DNAH9: variants seen among roughly 807,000 people sequenced by gnomAD.
The protein encoded by DNAH9 is dynein axonemal heavy chain 9.
Under a neutral mutation model 471.6 loss-of-function variants are expected in DNAH9, and 345 were observed. That is an observed-to-expected ratio of 0.73 (90% CI 0.67 to 0.80). The LOEUF (loss-of-function observed/expected upper bound fraction) is 0.80. Ranked by LOEUF, DNAH9 falls within the 30% of genes least tolerant of loss-of-function variation. DNAH9 has a pLI of 0.00. For missense variants in DNAH9, 5,407 were observed against 5,609.2 expected (o/e 0.96, Z 1.15); for synonymous variants, 2,093 against 2,123.6 (o/e 0.99, Z 0.40).
intron 67 of DNAH9, among the ~76,000 whole-genome samples, chr17:11,942,954 G>A (rs1974984737): frequency 6.8e-6 from 1 of 147,180 alleles, no homozygotes; most frequent in Non-Finnish European, 1.5e-5. Flanking sequence ...GGAGTGCAGT[G>A]GTGTGATCTC....
chr17:11,740,767 T>G (rs2075420963), intron 29 of DNAH9, among the ~76,000 whole-genome samples: 1 of 152,190 alleles, frequency 6.6e-6, no homozygotes, highest in African/African-American at 2.4e-5. Context: ...CCCTAGTTAC[T>G]AGGGTTAGCT....
intron 14 of DNAH9, among the ~76,000 whole-genome samples, chr17:11,658,263 A>G (rs2073691056): frequency 6.6e-6 from 1 of 152,090 alleles, no homozygotes; most frequent in South Asian, 2.1e-4. Context: ...CAAGTTTTTT[A>G]TGTTTGCAGT....
At chr17:11,640,536 C>G in intron 10 of DNAH9, 152 bp downstream of exon 10, 1 of 692,888 alleles carries the variant, frequency 1.4e-6, no homozygotes, top group Non-Finnish European at 2.6e-6. Flanking sequence ...CACCTATTGG[C>G]AAAACAGTCA....
intron 62 of DNAH9, among the ~76,000 whole-genome samples, chr17:11,927,955 A>C (rs1189424199): frequency 6.6e-6 from 1 of 152,182 alleles, no homozygotes; most frequent in Non-Finnish European, 1.5e-5. Context: ...TGGCTAAAAG[A>C]AACCCTGGCT....
intron 26 of DNAH9, among the ~76,000 whole-genome samples, chr17:11,713,854 C>G (rs2150792982): frequency 6.6e-6 from 1 of 152,216 alleles, no homozygotes; most frequent in South Asian, 2.1e-4. Flanking sequence ...TTGAGACAGA[C>G]AAATAATGAG....
At chr17:11,963,113 C>G (rs944794502) in intron 68 of DNAH9, among the ~76,000 whole-genome samples, 5 of 148,248 alleles carry the variant, frequency 3.4e-5, no homozygotes, top group African/African-American at 1.2e-4. Flanking sequence ...TATCATGAAC[C>G]CTAAATCCAA....
Position 11,599,957 on chromosome 17 carries a change from A to G in DNAH9, c.417+1042A>G, listed in dbSNP as rs564919907. On this transcript the variant is annotated intron_variant, in intron 1 of 68. Transcript: ENST00000262442. ...ACTGGGGTGAGGGTAAAGCTTACCTAAAAGTTGGCCCCACTGCTGGATGCA... is the reference window on the plus strand; with the variant it reads ...ACTGGGGTGAGGGTAAAGCTTACCTGAAAGTTGGCCCCACTGCTGGATGCA... Among the ~76,000 whole-genome samples the G allele has an allele frequency of 4.6e-5, 7 of 152,304 alleles. 1 individual carries two copies. In the South Asian group the frequency reaches 1.4e-3, roughly 32 times the overall value.
intron 61 of DNAH9, among the ~76,000 whole-genome samples, chr17:11,914,812 G>A (rs1328082485): frequency 6.6e-6 from 1 of 152,132 alleles, no homozygotes; most frequent in Non-Finnish European, 1.5e-5. Context: ...GCTGTGCCTA[G>A]TTGTGGGTCC....
intron 14 of DNAH9, among the ~76,000 whole-genome samples, chr17:11,653,336 G>A (rs1231340677): frequency 6.6e-6 from 1 of 152,122 alleles, no homozygotes; most frequent in East Asian, 1.9e-4. Flanking sequence ...TCCCCATCCC[G>A]GCTTGCCCAC....
At chr17:11,662,555 T>G (rs2073787991) in intron 14 of DNAH9, among the ~76,000 whole-genome samples, 1 of 152,080 alleles carries the variant, frequency 6.6e-6, no homozygotes, top group Non-Finnish European at 1.5e-5. Context: ...AGTGACTGTT[T>G]TCTCTCCTGG....
intron 64 of DNAH9, 51 bp from the exon 65 acceptor site, chr17:11,933,829 C>A (rs1165488592): frequency 1.3e-6 from 2 of 1,556,056 alleles, no homozygotes; most frequent in East Asian, 2.3e-5. Context: ...AGCCCCGACG[C>A]CTGTGTGGAG....
intron 53 of DNAH9, 76 bp from the exon 54 acceptor site, chr17:11,880,002 G>T (rs1021206862): frequency 6.4e-6 from 10 of 1,563,946 alleles, no homozygotes; most frequent in Non-Finnish European, 8.8e-6. Flanking sequence ...TAGAGGTCAC[G>T]CTTGTCTCAT....
At chr17:11,811,051 G>A (rs554372542) in intron 45 of DNAH9, among the ~76,000 whole-genome samples, 9 of 152,290 alleles carry the variant, frequency 5.9e-5, no homozygotes, top group South Asian at 2.1e-4. Context: ...GAAAACTCAC[G>A]TCTGTAATCC....
chr17:11,832,791 G>A (rs1970720643), intron 48 of DNAH9, among the ~76,000 whole-genome samples: 1 of 152,220 alleles, frequency 6.6e-6, no homozygotes, highest in Admixed American at 6.5e-5. Flanking sequence ...GTTGTTGCGT[G>A]AAATAGACTG....
At chr17:11,734,435 G>A (rs1213731385) in intron 28 of DNAH9, among the ~76,000 whole-genome samples, 1 of 152,180 alleles carries the variant, frequency 6.6e-6, no homozygotes, top group Non-Finnish European at 1.5e-5. Flanking sequence ...TTTCCACATG[G>A]TTCACACGTT....
intron 61 of DNAH9, among the ~76,000 whole-genome samples, chr17:11,917,460 C>T (rs1385359766): frequency 1.3e-5 from 2 of 152,012 alleles, no homozygotes; most frequent in Non-Finnish European, 2.9e-5. Context: ...TCTGGCTGGC[C>T]TCTATTTTAA....
At chr17:11,635,792 A>G (rs2073152780) in intron 8 of DNAH9, among the ~76,000 whole-genome samples, 1 of 152,184 alleles carries the variant, frequency 6.6e-6, no homozygotes, top group Non-Finnish European at 1.5e-5. Flanking sequence ...GGGTTAGGGC[A>G]GTCTGAATGC....
chr17:11,784,384 A>G lies in DNAH9; in HGVS notation c.7906A>G (p.Lys2636Glu). ...IYSIILTQHL[K>E]LGNFPASLQK... ...CAGCATCATCCTCACTCAGCATCTGAAGCTCGGAAACTTCCCGGCGTCCCT... is the reference window on the plus strand; with the variant it reads ...CAGCATCATCCTCACTCAGCATCTGGAGCTCGGAAACTTCCCGGCGTCCCT... The change falls in exon 41 of 69, where the codon AAG becomes GAG. Residue 2636 changes from lysine (K) to glutamate (E), a missense_variant. Coordinates refer to ENST00000262442, the MANE Select transcript of DNAH9 (RefSeq NM_001372.4). The G allele has an allele frequency of 6.2e-7, 1 of 1,614,076 alleles. No individual in the cohort carries two copies. Among genetic ancestry groups the G allele is most frequent in the Non-Finnish European group, 8.5e-7 (1 of 1,180,016 alleles).
chr17:11,903,068 C>T (rs1028079352), intron 60 of DNAH9, among the ~76,000 whole-genome samples, 156 bp downstream of exon 60: 2 of 152,186 alleles, frequency 1.3e-5, no homozygotes, highest in Non-Finnish European at 2.9e-5. Flanking sequence ...AGGCCAGGCG[C>T]GGTGGCTCAC....
Sources: gnomAD v4.1 joint callset for allele counts (sites outside exome capture counted in the v4.1 genomes callset) on GRCh38, gnomAD v4.1.1 for gene constraint, MANE v1.5 for transcripts, NCBI Gene and HGNC (gene_info 2026-07-23, HGNC 2026-07-21) for gene names.